The following ATP11B variants were observed in gnomAD, a reference collection of about 807,000 sequenced individuals.
The protein encoded by ATP11B is ATPase phospholipid transporting 11B (putative), also known as phospholipid-transporting ATPase IF.
ATP11B carries 81 observed loss-of-function variants against 157.8 expected under a neutral mutation model. The observed-to-expected ratio is 0.51, with a 90% CI of 0.43 to 0.62. The LOEUF is 0.62. Among genes scored for constraint, ATP11B ranks in the 20% least tolerant of loss-of-function variants. The probability of loss-of-function intolerance (pLI) is 0.00; values close to 1 mark genes in which losing one functional copy is unlikely to be tolerated. For missense variants in ATP11B, 1,165 were observed against 1,402.2 expected, an observed-to-expected ratio of 0.83 and a Z score of 2.70; for synonymous variants, 451 against 469.4, an observed-to-expected ratio of 0.96 and a Z score of 0.51.
At chr3:182,866,869 CATAT>C (rs1026993720) in intron 14 of ATP11B, among the ~76,000 whole-genome samples, 6 of 145,380 alleles carry the variant, frequency 4.1e-5, no homozygotes, top group South Asian at 4.3e-4. Flanking sequence ...TTATATATAA[CATAT>C]ATAAATAAAA....
chr3:182,803,056 G>C (rs763481435), intron 1 of ATP11B, among the ~76,000 whole-genome samples: 1 of 152,106 alleles, frequency 6.6e-6, no homozygotes, highest in Non-Finnish European at 1.5e-5. Flanking sequence ...GTTACAAAAA[G>C]TGTTACAATG....
Position 182,872,341 on chromosome 3 carries a change from A to T in ATP11B, c.1867-15A>T. On this transcript the variant is annotated splice_polypyrimidine_tract_variant and intron_variant, in intron 17 of 29. Transcript: ENST00000323116. ...TGTTCAATTTTTGTCTTTAATTTTT[A>T]TTTGTTTGTTTTAGAAAGGGCTAAG... 1 of 1,477,646 alleles carries T rather than the reference A, an allele frequency of 6.8e-7. No individual in the cohort carries two copies. 91.5% of individuals were successfully genotyped at this position (1,477,646 alleles called of 1,614,324 possible).
At chr3:182,802,187 C>G (rs887236584) in intron 1 of ATP11B, among the ~76,000 whole-genome samples, 1 of 152,166 alleles carries the variant, frequency 6.6e-6, no homozygotes, top group African/African-American at 2.4e-5. Context: ...CCATTTCTCT[C>G]GTCTTTCTCT....
At chr3:182,801,131 T>G (rs1439822353) in intron 1 of ATP11B, among the ~76,000 whole-genome samples, 1 of 152,196 alleles carries the variant, frequency 6.6e-6, no homozygotes, top group Non-Finnish European at 1.5e-5. Context: ...ATGTAGTTTA[T>G]CCTCCTTAAC....
At chr3:182,802,580 TC>T (rs1340986931) in intron 1 of ATP11B, among the ~76,000 whole-genome samples, 1 of 152,178 alleles carries the variant, frequency 6.6e-6, no homozygotes, top group African/African-American at 2.4e-5. Context: ...GGAATGTTCT[TC>T]CTGCAGACAT....
intron 15 of ATP11B, 135 bp downstream of exon 15, chr3:182,867,579 CTTTTTT>C (rs386398716): frequency 8.5e-5 from 13 of 152,802 alleles, no homozygotes; most frequent in South Asian, 1.2e-4. Flanking sequence ...AGTCACATTA[CTTTTTT>C]TTTTTTTTTT....
At chr3:182,871,082 T>C (rs1228706158) in intron 17 of ATP11B, among the ~76,000 whole-genome samples, 2 of 152,136 alleles carry the variant, frequency 1.3e-5, no homozygotes, top group Non-Finnish European at 1.5e-5. Flanking sequence ...CAGTATCACT[T>C]GTGGCCAGGA....
chr3:182,834,383 A>G (rs1718381580), intron 4 of ATP11B, among the ~76,000 whole-genome samples: 1 of 152,194 alleles, frequency 6.6e-6, no homozygotes, highest in African/African-American at 2.4e-5. Context: ...TAAGGGAAAC[A>G]GCACAAAATA....
intron 12 of ATP11B, among the ~76,000 whole-genome samples, chr3:182,863,354 CCTTT>C (rs1720996363): frequency 6.6e-6 from 1 of 152,028 alleles, no homozygotes; most frequent in Non-Finnish European, 1.5e-5. Context: ...CTGCCTTTGA[CCTTT>C]CTTTCTCAAC....
intron 28 of ATP11B, among the ~76,000 whole-genome samples, chr3:182,907,888 C>A (rs1190897452): frequency 6.6e-6 from 1 of 152,140 alleles, no homozygotes; most frequent in African/African-American, 2.4e-5. Flanking sequence ...GAATTGGGTT[C>A]TTAGAATGTT....
chr3:182,798,679 G>A (rs1715786580), intron 1 of ATP11B, among the ~76,000 whole-genome samples: 1 of 152,206 alleles, frequency 6.6e-6, no homozygotes, highest in African/African-American at 2.4e-5. Flanking sequence ...TTCTAGACCT[G>A]TGCTATTCAA....
chr3:182,862,663 G>C (rs1720932227), intron 12 of ATP11B, among the ~76,000 whole-genome samples: 2 of 152,260 alleles, frequency 1.3e-5, no homozygotes, highest in South Asian at 4.1e-4. Flanking sequence ...TACTTCCTGA[G>C]CGTTTCTGAG....
At chr3:182,858,083 T>C in intron 11 of ATP11B, 55 bp downstream of exon 11, 1 of 1,493,090 alleles carries the variant, frequency 6.7e-7, no homozygotes, top group Non-Finnish European at 9.2e-7. Flanking sequence ...TTGGCACGAT[T>C]AGTGCTTTGG....
chr3:182,855,411 T>A (rs1211640251), intron 10 of ATP11B, among the ~76,000 whole-genome samples: 2 of 152,130 alleles, frequency 1.3e-5, no homozygotes, highest in African/African-American at 4.8e-5. Context: ...AGAGTATAGA[T>A]TTAATGTAAA....
Position 182,821,893 on chromosome 3 carries a change from A to G in ATP11B, c.144+1517A>G, listed in dbSNP as rs751717175. On this transcript the variant is annotated intron_variant, in intron 2 of 29. Transcript: ENST00000323116. ...TTCCCTCTCTTCTAAAGCAACTAAC[A>G]TCTTTTCTCTAATCCTAACCTCGTC... Among the ~76,000 whole-genome samples, 65 of 152,190 alleles carry G rather than the reference A, an allele frequency of 4.3e-4. 1 individual carries two copies. The highest frequency in any genetic ancestry group is 3.9e-3 in the Admixed American group (59 of 15,280).
At chr3:182,905,965 C>T (rs1487669036) in intron 28 of ATP11B, 4 of 437,224 alleles carry the variant, frequency 9.1e-6, no homozygotes, top group East Asian at 7.1e-5. Flanking sequence ...GCTAAGTTCT[C>T]ATGCTTGGGG....
chr3:182,863,121 G>T (rs1299752503), intron 12 of ATP11B, among the ~76,000 whole-genome samples: 6 of 151,644 alleles, frequency 4.0e-5, no homozygotes, highest in African/African-American at 1.5e-4. Flanking sequence ...TTTCACCGTG[G>T]TCTCGATCTC....
intron 28 of ATP11B, chr3:182,906,052 G>T (rs1235811410): frequency 6.4e-6 from 2 of 313,842 alleles, no homozygotes; most frequent in East Asian, 7.8e-5. Context: ...TGTTGTTTTA[G>T]TTTCGTTGTT....
intron 1 of ATP11B, among the ~76,000 whole-genome samples, chr3:182,810,600 T>C (rs1716604349): frequency 6.6e-6 from 1 of 152,190 alleles, no homozygotes; most frequent in African/African-American, 2.4e-5. Context: ...TGTCTATTCT[T>C]TTCTAAGTGA....
Sources: gnomAD v4.1 joint callset for allele counts (sites outside exome capture counted in the v4.1 genomes callset) on GRCh38, gnomAD v4.1.1 for gene constraint, MANE v1.5 for transcripts, NCBI Gene and HGNC (gene_info 2026-07-23, HGNC 2026-07-21) for gene names.